Variants in LRBA observed in about 807,000 individuals in gnomAD.
The protein encoded by LRBA is LPS responsive beige-like anchor protein.
Under a neutral mutation model 330.0 loss-of-function variants are expected in LRBA, and 176 were observed. That is an observed-to-expected ratio of 0.53 (90% CI 0.47 to 0.60). The LOEUF (loss-of-function observed/expected upper bound fraction) is 0.60, where lower values mean the gene tolerates loss of function less well. Among genes scored for constraint, LRBA ranks in the 20% least tolerant of loss-of-function variants. The pLI is 0.00. For synonymous variants in LRBA, 1,230 were observed against 1,193.0 expected (o/e 1.03, Z -0.64); for missense variants, 3,259 against 3,444.8 (o/e 0.95, Z 1.35).
chr4:150,783,866 G>A (rs1160114237), intron 34 of LRBA, among the ~76,000 whole-genome samples: 1 of 152,126 alleles, frequency 6.6e-6, no homozygotes, highest in African/African-American at 2.4e-5. Context: ...GCTATTAAGA[G>A]GCCTTGAAAA....
intron 2 of LRBA, among the ~76,000 whole-genome samples, chr4:150,988,350 C>G (rs375488898): frequency 1.1e-4 from 16 of 152,118 alleles, no homozygotes; most frequent in African/African-American, 3.6e-4. Flanking sequence ...ACTTTAAGTT[C>G]CTAGAAAATT....
chr4:150,654,198 T>C (rs987957827), intron 37 of LRBA, among the ~76,000 whole-genome samples: 1 of 152,186 alleles, frequency 6.6e-6, no homozygotes, highest in Non-Finnish European at 1.5e-5. Context: ...CATTGTTTTT[T>C]GTTGTTGAGA....
At chr4:150,584,291 A>C (rs1771806101) in intron 40 of LRBA, 5 of 551,876 alleles carry the variant, frequency 9.1e-6, no homozygotes, top group East Asian at 3.4e-5. Flanking sequence ...ACCAAAACAA[A>C]TCACATTCTT....
At chr4:150,868,742 G>A (rs751112389) in intron 20 of LRBA, among the ~76,000 whole-genome samples, 12 of 151,850 alleles carry the variant, frequency 7.9e-5, no homozygotes, top group Non-Finnish European at 1.6e-4. Context: ...GTTCGAGAGC[G>A]GCCTGGCCAA....
chr4:150,888,482 T>G (rs1729168028), intron 17 of LRBA, among the ~76,000 whole-genome samples: 1 of 152,146 alleles, frequency 6.6e-6, no homozygotes, highest in East Asian at 1.9e-4. Context: ...CGCTTATGTA[T>G]ATACAGACAT....
chr4:150,852,922 C>T lies in LRBA; in HGVS notation c.2788G>A (p.Glu930Lys). ...TCCCTAAATATATTGGCAAGGTTTT[C>T]TTTGTGTATTTCAAAAGTGACCTAG... is the stretch of plus-strand genomic sequence containing the variant. Reference protein sequence around the residue: ...HSKVTFEIHKENLANIFREQQ... With the variant: ...HSKVTFEIHKKNLANIFREQQ... Residue 930 changes from glutamate to lysine, a missense_variant, in exon 23 of 57, where the codon GAA becomes AAA. Glu to Lys is a moderately conservative substitution (Grantham distance 56). Coordinates refer to ENST00000651943, the MANE Select transcript of LRBA (RefSeq NM_001364905.1). 1 of 1,574,946 alleles carries T rather than the reference C, an allele frequency of 6.3e-7. No homozygotes were observed. Among genetic ancestry groups the T allele is most frequent in the South Asian group, 1.2e-5 (1 of 83,426 alleles).
At chr4:150,725,735 G>C (rs1228296640) in intron 36 of LRBA, among the ~76,000 whole-genome samples, 1 of 152,118 alleles carries the variant, frequency 6.6e-6, no homozygotes, top group African/African-American at 2.4e-5. Context: ...CAAGTAGAAA[G>C]ACTAAATAAT....
intron 34 of LRBA, among the ~76,000 whole-genome samples, chr4:150,764,226 C>G (rs1735460435): frequency 6.6e-6 from 1 of 151,956 alleles, no homozygotes; most frequent in South Asian, 2.1e-4. Context: ...AGTCATTTTA[C>G]TTTTAAAAGT....
chr4:150,858,503 C>T (rs937128431), intron 22 of LRBA, among the ~76,000 whole-genome samples: 1 of 152,014 alleles, frequency 6.6e-6, no homozygotes, highest in African/African-American at 2.4e-5. Context: ...TGCTGATAAT[C>T]CATGAAATGC....
intron 47 of LRBA, among the ~76,000 whole-genome samples, chr4:150,414,991 ATTTT>A (rs771970206): frequency 6.6e-6 from 1 of 152,234 alleles, no homozygotes; most frequent in Non-Finnish European, 1.5e-5. Flanking sequence ...AAGTTTTAAC[ATTTT>A]CATATTCTCA....
intron 17 of LRBA, among the ~76,000 whole-genome samples, chr4:150,879,767 T>C (rs1225886149): frequency 6.6e-6 from 1 of 152,092 alleles, no homozygotes; most frequent in Non-Finnish European, 1.5e-5. Flanking sequence ...TTTTACAATA[T>C]CCATGCTCAA....
At chr4:150,646,388 C>A (rs1349361353) in intron 37 of LRBA, among the ~76,000 whole-genome samples, 2 of 151,974 alleles carry the variant, frequency 1.3e-5, no homozygotes, top group Non-Finnish European at 2.9e-5. Flanking sequence ...ATCTACCAAA[C>A]AGAAGTGGTT....
chr4:150,397,208 A>C (rs958519303), intron 47 of LRBA, among the ~76,000 whole-genome samples: 3 of 152,200 alleles, frequency 2.0e-5, no homozygotes, highest in Admixed American at 6.5e-5. Context: ...TCTGATGAAA[A>C]GTGAAAAATG....
At chr4:150,292,822 T>C (rs1413641516) in intron 53 of LRBA, among the ~76,000 whole-genome samples, 1 of 152,110 alleles carries the variant, frequency 6.6e-6, no homozygotes, top group African/African-American at 2.4e-5. Context: ...CTTGTAAAGG[T>C]CAACATAATA....
At chr4:150,832,038 A>T (rs1747280481) in intron 28 of LRBA, 62 bp from the exon 29 acceptor site, 1 of 993,808 alleles carries the variant, frequency 1.0e-6, no homozygotes, top group South Asian at 2.6e-5. Context: ...TATATTTTAC[A>T]TCACAATGTT....
chr4:150,284,064 T>C (rs895356920), intron 54 of LRBA, among the ~76,000 whole-genome samples: 1 of 152,108 alleles, frequency 6.6e-6, no homozygotes, highest in African/African-American at 2.4e-5. Context: ...GAAAGTACAA[T>C]TTGAATTGAA....
intron 2 of LRBA, among the ~76,000 whole-genome samples, chr4:150,970,166 G>T (rs1198082959): frequency 6.6e-6 from 1 of 152,112 alleles, no homozygotes; most frequent in Non-Finnish European, 1.5e-5. Flanking sequence ...ATGAAGGTGT[G>T]TGCATTGTTT....
chr4:150,291,220 A>G (rs918795706), intron 53 of LRBA, among the ~76,000 whole-genome samples: 1 of 147,298 alleles, frequency 6.8e-6, no homozygotes, highest in African/African-American at 2.5e-5. Context: ...AAATTGACAA[A>G]TGGGATCTAA....
chr4:150,302,849 G>T, intron 52 of LRBA, 57 bp from the exon 53 acceptor site: 2 of 1,308,456 alleles, frequency 1.5e-6, no homozygotes, highest in South Asian at 3.4e-5. Context: ...AAATTCTAGT[G>T]AACAGATAAC....
Sources: gnomAD v4.1 joint callset for allele counts (sites outside exome capture counted in the v4.1 genomes callset) on GRCh38, gnomAD v4.1.1 for gene constraint, MANE v1.5 for transcripts, NCBI Gene and HGNC (gene_info 2026-07-23, HGNC 2026-07-21) for gene names.